Variants in TUT4 observed in about 807,000 individuals in gnomAD.
TUT4 encodes terminal uridylyl transferase 4, also known as terminal uridylyltransferase 4.
Under a neutral mutation model 192.2 loss-of-function variants are expected in TUT4, and 36 were observed. That is an observed-to-expected ratio of 0.19 (90% CI 0.14 to 0.25). TUT4 has a LOEUF of 0.25. Ranked by LOEUF, TUT4 falls within the 10% of genes least tolerant of loss-of-function variation. The probability of loss-of-function intolerance (pLI) is 1.00; values close to 1 mark genes in which losing one functional copy is unlikely to be tolerated. For synonymous variants in TUT4, 618 were observed against 666.0 expected (o/e 0.93, Z 1.11); for missense variants, 1,493 against 1,957.2 (o/e 0.76, Z 4.47).
chr1:52,534,945 G>A (rs970595216), intron 1 of TUT4: 2 of 152,176 alleles, frequency 1.3e-5, no homozygotes, highest in Non-Finnish European at 2.9e-5. Context: ...GACTAGCACT[G>A]AGAAAATTAT....
chr1:52,447,208 G>C (rs982723098), intron 20 of TUT4, among the ~76,000 whole-genome samples: 1 of 152,104 alleles, frequency 6.6e-6, no homozygotes, highest in African/African-American at 2.4e-5. Flanking sequence ...CCAGCACTTT[G>C]GGAGGCCGAG....
At chr1:52,488,055 G>C (rs139410043) in intron 9 of TUT4, among the ~76,000 whole-genome samples, 22 of 152,262 alleles carry the variant, frequency 1.4e-4, no homozygotes, top group South Asian at 6.2e-4. Context: ...CAAAGGCCTT[G>C]AGTATAAAGA....
intron 24 of TUT4, 104 bp from the exon 25 acceptor site, chr1:52,438,439 A>G (rs1250213753): frequency 1.5e-5 from 11 of 728,128 alleles, no homozygotes; most frequent in Non-Finnish European, 2.3e-5. Flanking sequence ...TACAAAGAAA[A>G]TAACAGCAAC....
chr1:52,512,012 C>T (rs754079657), intron 3 of TUT4, among the ~76,000 whole-genome samples: 2 of 152,118 alleles, frequency 1.3e-5, no homozygotes, highest in Non-Finnish European at 2.9e-5. Context: ...AGCATACATA[C>T]AGAATACCTA....
intron 11 of TUT4, among the ~76,000 whole-genome samples, chr1:52,478,108 C>T (rs1667558229): frequency 6.6e-6 from 1 of 152,166 alleles, no homozygotes. Flanking sequence ...TCAACCTTGG[C>T]TGCACATTAG....
intron 24 of TUT4, among the ~76,000 whole-genome samples, chr1:52,441,068 G>A (rs1004199724): frequency 5.9e-5 from 9 of 152,014 alleles, no homozygotes; most frequent in African/African-American, 1.9e-4. Flanking sequence ...TGAAGAGGTT[G>A]AAGACTCAAA....
At chr1:52,444,915 A>G (rs1258610377) in intron 24 of TUT4, among the ~76,000 whole-genome samples, 7 of 122,584 alleles carry the variant, frequency 5.7e-5, no homozygotes, top group Non-Finnish European at 1.1e-4. Context: ...ATATGTATAT[A>G]CATGTATGTG....
At chr1:52,446,050 C>T (rs998065682) in intron 22 of TUT4, 46 bp from the exon 23 acceptor site, 3 of 1,548,698 alleles carry the variant, frequency 1.9e-6, no homozygotes, top group Admixed American at 2.0e-5. Flanking sequence ...TTCACTGTAC[C>T]ATAAAAATAT....
At chr1:52,498,240 CTTTTTTT>C (rs556089149) in intron 4 of TUT4, among the ~76,000 whole-genome samples, 27 of 119,416 alleles carry the variant, frequency 2.3e-4, no homozygotes, top group Non-Finnish European at 4.2e-4. Context: ...AGTTTCAGTA[CTTTTTTT>C]TTTTTTTTTT....
chr1:52,513,574 T>A (rs1557907771), intron 3 of TUT4, among the ~76,000 whole-genome samples: 1 of 152,030 alleles, frequency 6.6e-6, no homozygotes, highest in Non-Finnish European at 1.5e-5. Context: ...CTTTACATCA[T>A]TACTGACTAT....
chr1:52,491,642 G>A (rs1242887991), intron 7 of TUT4, among the ~76,000 whole-genome samples: 1 of 152,076 alleles, frequency 6.6e-6, no homozygotes, highest in African/African-American at 2.4e-5. Context: ...AGCCGAGATC[G>A]TGCCACTACA....
chr1:52,524,440 C>T (rs889689046), intron 2 of TUT4, among the ~76,000 whole-genome samples: 30 of 151,662 alleles, frequency 2.0e-4, no homozygotes, highest in African/African-American at 6.5e-4. Flanking sequence ...AGGAGAATGG[C>T]GTGAACCCGG....
At chr1:52,523,996 T>A (rs1355105938) in intron 2 of TUT4, among the ~76,000 whole-genome samples, 1 of 152,152 alleles carries the variant, frequency 6.6e-6, no homozygotes, top group Admixed American at 6.5e-5. Context: ...AAAAAGATTA[T>A]AAAAGAAATT....
intron 1 of TUT4, among the ~76,000 whole-genome samples, chr1:52,544,689 A>G (rs181295500): frequency 7.2e-5 from 11 of 152,204 alleles, no homozygotes; most frequent in African/African-American, 2.2e-4. Flanking sequence ...CGGGCAACAA[A>G]AGAAAAAATG....
intron 24 of TUT4, among the ~76,000 whole-genome samples, chr1:52,441,444 A>ATCTTTTTTTTT (rs1553160600): frequency 1.3e-4 from 16 of 119,968 alleles, no homozygotes; most frequent in African/African-American, 5.9e-4. Context: ...TCTCGGCTAA[A>ATCTTTTTTTTT]TTTTTTTTTT....
chr1:52,424,757 AAT>A (rs1470871103), intron 29 of TUT4: 2 of 152,402 alleles, frequency 1.3e-5, no homozygotes, highest in Admixed American at 6.5e-5. Flanking sequence ...TTACTAAACA[AAT>A]ATGATTATGT....
chr1:52,504,916 T>C (rs1261903014), intron 4 of TUT4, among the ~76,000 whole-genome samples: 1 of 152,220 alleles, frequency 6.6e-6, no homozygotes, highest in Non-Finnish European at 1.5e-5. Flanking sequence ...ATTTCCATCC[T>C]TTTTAAGGCT....
At chr1:52,473,693 T>G (rs1002193164) in intron 13 of TUT4, among the ~76,000 whole-genome samples, 49 of 152,246 alleles carry the variant, frequency 3.2e-4, no homozygotes, top group African/African-American at 1.2e-3. Flanking sequence ...GCTAGATGAC[T>G]TTCCTTTTGT....
At position 52,542,769 on chromosome 1, in the gene TUT4, A is replaced by ATT. The variant is rs763735144; in HGVS notation, c.-94+10160_-94+10161dup. ...TTTCTTTTTATTTATTTATTTATTT[A>ATT]TTTTTTTTTGAGGCAGAGTTTCACT... On this transcript the variant is annotated intron_variant, in intron 1 of 29. Transcript: ENST00000257177. Among the ~76,000 whole-genome samples, 424 of 148,844 alleles carry ATT rather than the reference A, an allele frequency of 2.8e-3. 2 individuals carry two copies. Among genetic ancestry groups the ATT allele is most frequent in the African/African-American group, 0.01 (404 of 39,838 alleles).
Sources: gnomAD v4.1 joint callset for allele counts (sites outside exome capture counted in the v4.1 genomes callset) on GRCh38, gnomAD v4.1.1 for gene constraint, MANE v1.5 for transcripts, NCBI Gene and HGNC (gene_info 2026-07-23, HGNC 2026-07-21) for gene names.